SLC4A10: variants seen among roughly 807,000 people sequenced by gnomAD.
The protein encoded by SLC4A10 is solute carrier family 4 member 10.
A neutral mutation model predicts 137.7 loss-of-function variants in SLC4A10; 42 were observed. The observed-to-expected ratio is 0.30, with a 90% confidence interval of 0.24 to 0.39. The LOEUF is 0.39. Among genes scored for constraint, SLC4A10 ranks in the 10% least tolerant of loss-of-function variants. SLC4A10 has a pLI of 1.00. For missense variants in SLC4A10, 925 were observed against 1,355.0 expected, an observed-to-expected ratio of 0.68 and a Z score of 4.98; for synonymous variants, 474 against 464.1, an observed-to-expected ratio of 1.02 and a Z score of -0.27.
At chr2:161,794,951 A>G (rs1316523114) in intron 2 of SLC4A10, among the ~76,000 whole-genome samples, 4 of 151,996 alleles carry the variant, frequency 2.6e-5, no homozygotes, top group Non-Finnish European at 4.4e-5. Context: ...AGTTTTCATC[A>G]AAAGTGTCCT....
At position 161,874,001 on chromosome 2, in the gene SLC4A10, G is replaced by C; in HGVS notation, c.944G>C (p.Arg315Thr). The change falls in exon 8 of 27, where the codon AGA (arginine) becomes ACA (threonine). Residue 315 changes from arginine (R) to threonine (T), a missense_variant. Around this residue, in one of 11 missense-constraint regions of SLC4A10, gnomAD observed 277 missense variants for 306.1 expected, o/e 0.90. Coordinates refer to ENST00000446997, the MANE Select transcript of SLC4A10 (RefSeq NM_001178015.2). ...HEKGPPHQQE[R>T]EVDLHFMKKI... ...AAAGGACCTCCACACCAGCAAGAGA[G>C]AGAGGTGAGGGCATACTCGGGCTCT... 6.3e-7 allele frequency: 1 copy of C among 1,588,192 alleles called. No individual in the cohort carries two copies. The highest frequency in any genetic ancestry group is 8.5e-7 in the Non-Finnish European group (1 of 1,174,678).
intron 26 of SLC4A10, among the ~76,000 whole-genome samples, chr2:161,982,953 G>A (rs1700420389): frequency 6.6e-6 from 1 of 152,190 alleles, no homozygotes. Flanking sequence ...TTGTTGTTTA[G>A]TGTCTGTTTT....
At chr2:161,678,161 T>C (rs910452055) in intron 1 of SLC4A10, among the ~76,000 whole-genome samples, 1 of 152,170 alleles carries the variant, frequency 6.6e-6, no homozygotes, top group Non-Finnish European at 1.5e-5. Context: ...CTCCGAGGAC[T>C]CATATCTGTC....
intron 15 of SLC4A10, among the ~76,000 whole-genome samples, chr2:161,911,103 A>T (rs1314336439): frequency 6.6e-6 from 1 of 151,974 alleles, no homozygotes; most frequent in Non-Finnish European, 1.5e-5. Flanking sequence ...AGTTAAGTAT[A>T]CATTAAGTGA....
At chr2:161,887,140 C>T (rs1452956542) in intron 10 of SLC4A10, among the ~76,000 whole-genome samples, 2 of 152,170 alleles carry the variant, frequency 1.3e-5, no homozygotes, top group African/African-American at 4.8e-5. Flanking sequence ...TTTATGGCTG[C>T]ATACTATTCC....
At chr2:161,748,966 A>G (rs1559162120) in intron 1 of SLC4A10, among the ~76,000 whole-genome samples, 1 of 151,892 alleles carries the variant, frequency 6.6e-6, no homozygotes, top group Admixed American at 6.6e-5. Flanking sequence ...TTAACATTTT[A>G]TAGTTTTCAG....
chr2:161,930,190 C>T (rs188099691), intron 15 of SLC4A10, among the ~76,000 whole-genome samples: 5 of 152,224 alleles, frequency 3.3e-5, no homozygotes, highest in Admixed American at 3.3e-4. Flanking sequence ...TTTAACCTAC[C>T]TCCCAAAGGC....
At chr2:161,933,180 TTCTTTTC>T (rs1690765153) in intron 15 of SLC4A10, among the ~76,000 whole-genome samples, 2 of 139,736 alleles carry the variant, frequency 1.4e-5, no homozygotes, top group African/African-American at 5.1e-5. Context: ...TTCCCCTTCC[TTCTTTTC>T]TTTCTTTCTT....
chr2:161,732,203 A>G (rs1236309584), intron 1 of SLC4A10, among the ~76,000 whole-genome samples: 1 of 152,152 alleles, frequency 6.6e-6, no homozygotes, highest in Non-Finnish European at 1.5e-5. Flanking sequence ...TTGGTGATCA[A>G]CTTAACCTTT....
At chr2:161,651,471 T>G (rs992054334) in intron 1 of SLC4A10, among the ~76,000 whole-genome samples, 1 of 152,218 alleles carries the variant, frequency 6.6e-6, no homozygotes, top group Non-Finnish European at 1.5e-5. Context: ...CATGCCCCCC[T>G]GCTTGCCATG....
At chr2:161,688,341 C>G (rs896861599) in intron 1 of SLC4A10, among the ~76,000 whole-genome samples, 4 of 152,038 alleles carry the variant, frequency 2.6e-5, no homozygotes, top group Non-Finnish European at 5.9e-5. Flanking sequence ...ATTTTATAAC[C>G]TAGAATGAAC....
chr2:161,813,150 T>A (rs1246290086), intron 3 of SLC4A10, among the ~76,000 whole-genome samples: 1 of 152,068 alleles, frequency 6.6e-6, no homozygotes, highest in East Asian at 1.9e-4. Context: ...TCCTTTGGAC[T>A]GTCAGATTAT....
intron 15 of SLC4A10, among the ~76,000 whole-genome samples, chr2:161,917,516 G>A: frequency 6.6e-6 from 1 of 151,038 alleles, no homozygotes; most frequent in East Asian, 1.9e-4. Context: ...GGAGGCTGCA[G>A]TGAGCTGTGA....
intron 1 of SLC4A10, among the ~76,000 whole-genome samples, chr2:161,645,530 T>G (rs1223817571): frequency 2.0e-5 from 3 of 152,056 alleles, no homozygotes; most frequent in African/African-American, 7.2e-5. Context: ...TCATATTAGT[T>G]TGACTTTCTA....
intron 1 of SLC4A10, among the ~76,000 whole-genome samples, chr2:161,667,272 A>G (rs1489566594): frequency 6.6e-6 from 1 of 151,652 alleles, no homozygotes; most frequent in East Asian, 1.9e-4. Flanking sequence ...TTATTTTAGC[A>G]AATATTTGAA....
intron 2 of SLC4A10, among the ~76,000 whole-genome samples, chr2:161,789,561 T>TG (rs1301773446): frequency 2.6e-5 from 4 of 152,156 alleles, no homozygotes; most frequent in African/African-American, 9.7e-5. Flanking sequence ...TAAAAGTAAT[T>TG]GCACTGTGAT....
chr2:161,898,917 T>C (rs1369016260), intron 11 of SLC4A10, among the ~76,000 whole-genome samples: 1 of 152,114 alleles, frequency 6.6e-6, no homozygotes, highest in Non-Finnish European at 1.5e-5. Context: ...AGTCCAATCA[T>C]TCTCACTTGA....
intron 3 of SLC4A10, 93 bp from the exon 4 acceptor site, chr2:161,839,696 C>A: frequency 7.0e-7 from 1 of 1,426,500 alleles, no homozygotes; most frequent in Non-Finnish European, 9.6e-7. Flanking sequence ...GTGGTGCGAG[C>A]TTGGGGTGGT....
At chr2:161,972,280 A>C (rs920153505) in intron 23 of SLC4A10, among the ~76,000 whole-genome samples, 3 of 152,196 alleles carry the variant, frequency 2.0e-5, no homozygotes, top group African/African-American at 7.2e-5. Context: ...ACCTTAAGAT[A>C]ACCTTTCCTA....
Sources: gnomAD v4.1 joint callset for allele counts (sites outside exome capture counted in the v4.1 genomes callset) on GRCh38, gnomAD v4.1.1 for gene constraint, gnomAD v4.1.1 regional missense constraint, MANE v1.5 for transcripts, NCBI Gene and HGNC (gene_info 2026-07-23, HGNC 2026-07-21) for gene names.